MRC1: variants seen among roughly 807,000 people sequenced by gnomAD.
The protein encoded by MRC1 is macrophage mannose receptor 1.
In MRC1, 62 loss-of-function variants were observed where a neutral mutation model predicts 102.9. That is an observed-to-expected ratio of 0.60 (90% CI 0.49 to 0.74). The LOEUF is 0.74. MRC1 is among the 30% of genes least tolerant of loss of function. The pLI is 0.00. For synonymous variants in MRC1, 457 were observed against 298.4 expected (o/e 1.53, Z -5.48); for missense variants, 1,237 against 862.8 (o/e 1.43, Z -5.43).
chr10:17,813,331 G>A (rs1226418219), intron 1 of MRC1, among the ~76,000 whole-genome samples: 2 of 152,062 alleles, frequency 1.3e-5, no homozygotes, highest in Admixed American at 6.5e-5. Context: ...TCACGCTAAT[G>A]GTATAATCCT....
chr10:17,898,334 T>C (rs2130714445), intron 24 of MRC1, 68 bp downstream of exon 24: 1 of 780,388 alleles, frequency 1.3e-6, no homozygotes, highest in Non-Finnish European at 2.4e-6. Context: ...ATTATCTTTC[T>C]GTTTGTTCTG....
At chr10:17,892,350 G>A (rs1299556721) in intron 22 of MRC1, among the ~76,000 whole-genome samples, 8 of 152,182 alleles carry the variant, frequency 5.3e-5, no homozygotes, top group African/African-American at 1.9e-4. Flanking sequence ...CTCCAGCAAT[G>A]TGTCAATGAC....
chr10:17,879,520 A>T (rs1454857042), intron 18 of MRC1, among the ~76,000 whole-genome samples: 14 of 151,682 alleles, frequency 9.2e-5, no homozygotes, highest in African/African-American at 3.1e-4. Context: ...TGCCTGGCTA[A>T]TTTTTTTTTA....
chr10:17,839,242 G>T (rs1554839684), intron 4 of MRC1, among the ~76,000 whole-genome samples: 1 of 151,898 alleles, frequency 6.6e-6, no homozygotes, highest in African/African-American at 2.4e-5. Context: ...CATTTCTCAT[G>T]ATGCCAAACA....
chr10:17,817,127 A>G (rs893420326), intron 1 of MRC1, among the ~76,000 whole-genome samples: 1 of 151,768 alleles, frequency 6.6e-6, no homozygotes, highest in Middle Eastern at 3.4e-3. Context: ...GCACATGCCT[A>G]TAGTCCCAGC....
chr10:17,819,165 G>A (rs924468257), intron 1 of MRC1, among the ~76,000 whole-genome samples: 2 of 152,054 alleles, frequency 1.3e-5, no homozygotes, highest in Non-Finnish European at 1.5e-5. Flanking sequence ...GGTGTACATC[G>A]CAGGCAATCT....
intron 29 of MRC1, 131 bp downstream of exon 29, chr10:17,909,478 T>C: frequency 1.5e-6 from 1 of 686,360 alleles, no homozygotes; most frequent in South Asian, 1.7e-5. Context: ...AAACTATCCT[T>C]TGTCATCAGC....
intron 6 of MRC1, 101 bp downstream of exon 6, chr10:17,845,536 G>T (rs1838813940): frequency 1.3e-6 from 1 of 755,992 alleles, no homozygotes; most frequent in Non-Finnish European, 2.5e-6. Flanking sequence ...CAGAGGTTTT[G>T]TGGATAGTTG....
chr10:17,863,423 A>G, intron 10 of MRC1, 111 bp from the exon 11 acceptor site: 2 of 739,274 alleles, frequency 2.7e-6, no homozygotes, highest in East Asian at 2.4e-5. Context: ...TTGAATTACC[A>G]GTTCAGTTAT....
chr10:17,835,936 A>G (rs972496006), intron 4 of MRC1, among the ~76,000 whole-genome samples: 4 of 152,208 alleles, frequency 2.6e-5, no homozygotes, highest in Admixed American at 1.3e-4. Context: ...CTGGCAAAAC[A>G]CTGTGTTAGT....
intron 22 of MRC1, among the ~76,000 whole-genome samples, chr10:17,886,858 G>C (rs1833604093): frequency 6.6e-6 from 1 of 152,178 alleles, no homozygotes; most frequent in Non-Finnish European, 1.5e-5. Flanking sequence ...TACAGCAGGA[G>C]TTTTATCCAG....
chr10:17,903,091 T>C (rs1406299524), intron 26 of MRC1, among the ~76,000 whole-genome samples: 1 of 152,210 alleles, frequency 6.6e-6, no homozygotes, highest in Non-Finnish European at 1.5e-5. Flanking sequence ...TATTTTTCCA[T>C]GCTTTTACTT....
rs1326902635 is a variant in MRC1 at position 17,833,678 on chromosome 10, A to G, written c.641A>G (p.Glu214Gly). 1 of 781,062 alleles carries G rather than the reference A, an allele frequency of 1.3e-6. No individual in the cohort carries two copies. The highest frequency in any genetic ancestry group is 1.7e-5 in the Admixed American group (1 of 59,032). The allele number at this position is 781,062 out of a possible 1,614,324, so 48.4% of individuals were successfully genotyped here. Residue 214 changes from glutamate (E) to glycine (G), a missense_variant, in exon 4 of 30, where the codon GAG (glutamate) becomes GGG (glycine). Coordinates refer to ENST00000569591, the MANE Select transcript of MRC1 (RefSeq NM_002438.4). Reference sequence around the variant, plus strand: ...TTCCATCTGATTTCTTTCACAGTTGAGGGCAGTGAAAGCTTATGGAATAAA... The same window carrying G: ...TTCCATCTGATTTCTTTCACAGTTGGGGGCAGTGAAAGCTTATGGAATAAA... Reference protein sequence around the residue: ...KLFGYCPLKFEGSESLWNKDP... With the variant: ...KLFGYCPLKFGGSESLWNKDP...
At chr10:17,886,740 G>C (rs1427362786) in intron 22 of MRC1, among the ~76,000 whole-genome samples, 1 of 152,068 alleles carries the variant, frequency 6.6e-6, no homozygotes, top group Admixed American at 6.5e-5. Flanking sequence ...TAATAATTAG[G>C]GGAACTTAGC....
chr10:17,847,648 C>T (rs1838845345), intron 6 of MRC1, among the ~76,000 whole-genome samples: 2 of 152,246 alleles, frequency 1.3e-5, no homozygotes, highest in Admixed American at 6.5e-5. Flanking sequence ...TAGGGCTGTA[C>T]TCTCTGGCTT....
In MRC1 at chr10:17,828,132, G is replaced by A. The variant is rs1192216151; in HGVS notation, c.637+417G>A. Among the ~76,000 whole-genome samples the A allele has an allele frequency of 4.6e-5, 7 of 152,256 alleles. No individual in the cohort carries two copies. The East Asian group carries it at 7.7e-4, about 17-fold the overall frequency. ...CGCTGTGTCTCCCAGGCTGGAGTGT[G>A]GTGGTGCGATCTCCACTCACTGCAA... On this transcript the variant is annotated intron_variant, in intron 3 of 29. Coordinates refer to ENST00000569591, the MANE Select transcript of MRC1 (RefSeq NM_002438.4).
At chr10:17,847,562 C>T (rs1275608432) in intron 6 of MRC1, among the ~76,000 whole-genome samples, 1 of 152,208 alleles carries the variant, frequency 6.6e-6, no homozygotes, top group Non-Finnish European at 1.5e-5. Flanking sequence ...TTAGCAACAG[C>T]CTTAGGCAAG....
At chr10:17,887,543 C>T (rs1028188988) in intron 22 of MRC1, among the ~76,000 whole-genome samples, 1 of 152,180 alleles carries the variant, frequency 6.6e-6, no homozygotes, top group Non-Finnish European at 1.5e-5. Flanking sequence ...ATAGCATTAG[C>T]TTAGATTTAA....
chr10:17,817,321 C>A (rs1443169365), intron 1 of MRC1, among the ~76,000 whole-genome samples: 1 of 150,780 alleles, frequency 6.6e-6, no homozygotes, highest in Non-Finnish European at 1.5e-5. Context: ...TCATTTTTAA[C>A]CTGAGATATT....
Sources: gnomAD v4.1 joint callset for allele counts (sites outside exome capture counted in the v4.1 genomes callset) on GRCh38, gnomAD v4.1.1 for gene constraint, MANE v1.5 for transcripts, NCBI Gene and HGNC (gene_info 2026-07-23, HGNC 2026-07-21) for gene names.